The following LRTM1 variants were observed in gnomAD, a reference collection of about 807,000 sequenced individuals.
LRTM1 encodes the protein leucine rich repeat transmembrane protein 1.
Under a neutral mutation model 32.4 loss-of-function variants are expected in LRTM1, and 38 were observed. The ratio of observed to expected loss-of-function variants is 1.17; its 90% CI spans 0.91 to 1.54. The LOEUF is 1.54. Among genes scored for constraint, LRTM1 ranks in the 40% most tolerant of loss-of-function variants. The probability of loss-of-function intolerance (pLI) is 0.00; values close to 1 mark genes in which losing one functional copy is unlikely to be tolerated. For missense variants in LRTM1, 466 were observed against 415.4 expected (o/e 1.12, Z -1.06); for synonymous variants, 186 against 169.9 (o/e 1.09, Z -0.74).
upstream of LRTM1, among the ~76,000 whole-genome samples, chr3:54,932,170 C>T (rs760125067): frequency 6.6e-6 from 1 of 151,984 alleles, no homozygotes; most frequent in Non-Finnish European, 1.5e-5. Flanking sequence ...CAGAGTGAGA[C>T]CCTGTCTCAA....
At chr3:54,943,731 C>T (rs1406828881) in intron 1 of LRTM1, among the ~76,000 whole-genome samples, 1 of 151,946 alleles carries the variant, frequency 6.6e-6, no homozygotes, top group Non-Finnish European at 1.5e-5. Context: ...TTTCATCTTG[C>T]TTTGGTGAGA....
At chr3:54,922,583 A>G (rs2106934515) in intron 2 of LRTM1, among the ~76,000 whole-genome samples, 1 of 152,274 alleles carries the variant, frequency 6.6e-6, no homozygotes, top group Admixed American at 6.5e-5. Context: ...TCAATATCGT[A>G]CGTTTTAACC....
At chr3:54,925,513 GA>G (rs749448487) in intron 1 of LRTM1, among the ~76,000 whole-genome samples, 83 of 152,122 alleles carry the variant, frequency 5.5e-4, no homozygotes, top group African/African-American at 1.6e-3. Flanking sequence ...ATAGAAGGGT[GA>G]AAAAAAATAT....
chr3:54,932,597 C>G (rs1311001140), upstream of LRTM1, among the ~76,000 whole-genome samples: 1 of 152,194 alleles, frequency 6.6e-6, no homozygotes, highest in Non-Finnish European at 1.5e-5. Context: ...ATATAGCATG[C>G]CTAGAGTTTG....
chr3:54,962,185 G>A (rs935527765), intron 1 of LRTM1, among the ~76,000 whole-genome samples: 14 of 152,274 alleles, frequency 9.2e-5, no homozygotes, highest in Non-Finnish European at 1.5e-4. Context: ...TTTAACATGA[G>A]TTTCAGAGAG....
At chr3:54,953,395 G>A (rs1469800147) in intron 1 of LRTM1, among the ~76,000 whole-genome samples, 5 of 152,100 alleles carry the variant, frequency 3.3e-5, no homozygotes, top group Non-Finnish European at 1.5e-5. Flanking sequence ...GTAACACTAC[G>A]GCTTCTTACC....
At chr3:54,919,600 C>T (rs1366105157) in intron 2 of LRTM1, among the ~76,000 whole-genome samples, 2 of 151,710 alleles carry the variant, frequency 1.3e-5, no homozygotes, top group African/African-American at 2.4e-5. Context: ...TGCTGTTGGT[C>T]GGGGGAATTT....
intron 1 of LRTM1, among the ~76,000 whole-genome samples, chr3:54,934,909 T>G (rs967653118): frequency 5.9e-5 from 9 of 152,124 alleles, no homozygotes; most frequent in Non-Finnish European, 1.3e-4. Context: ...TTTCTGTATT[T>G]ATTTTCTAGT....
intron 1 of LRTM1, among the ~76,000 whole-genome samples, chr3:54,939,003 C>A (rs1281852104): frequency 6.6e-6 from 1 of 152,164 alleles, no homozygotes; most frequent in Non-Finnish European, 1.5e-5. Context: ...CGTTAGACAG[C>A]AAACTGGGAC....
intron 2 of LRTM1, among the ~76,000 whole-genome samples, chr3:54,921,560 C>T (rs1044694848): frequency 6.6e-6 from 1 of 152,110 alleles, no homozygotes; most frequent in African/African-American, 2.4e-5. Flanking sequence ...AATTTTCCCA[C>T]TTTTTGTGGT....
In LRTM1 at chr3:54,924,889, A is replaced by G; in HGVS notation, c.334T>C (p.Ser112Pro). The change falls in exon 2 of 3, where the codon TCC becomes CCC. Residue 112 changes from serine to proline, a missense_variant. Ser to Pro is a moderately conservative substitution (Grantham distance 74). Transcript: ENST00000273286. ...VLNLTQNSLLSLESRLFHSLP... is the reference protein window; with the variant it reads ...VLNLTQNSLLPLESRLFHSLP... The stretch of plus-strand genomic sequence containing the variant: ...GAATGGAAAAGTCTGCTTTCCAGGG[A>G]AAGGAGTGAATTCTGGGTTAGATTT... 6.2e-7 allele frequency: 1 copy of G among 1,613,692 alleles called. No homozygotes were observed.
intron 1 of LRTM1, among the ~76,000 whole-genome samples, chr3:54,939,804 C>T (rs957210548): frequency 6.6e-6 from 1 of 152,164 alleles, no homozygotes; most frequent in Non-Finnish European, 1.5e-5. Flanking sequence ...ATTTTGTGGG[C>T]CTGCTCCTGC....
chr3:54,926,756 G>A (rs1035801620), intron 1 of LRTM1, among the ~76,000 whole-genome samples: 1 of 152,082 alleles, frequency 6.6e-6, no homozygotes, highest in Admixed American at 6.6e-5. Flanking sequence ...CTCTTATGAG[G>A]GGTAGTTGAA....
chr3:54,937,826 A>G (rs1175199035), intron 1 of LRTM1, among the ~76,000 whole-genome samples: 3 of 152,122 alleles, frequency 2.0e-5, no homozygotes, highest in Admixed American at 1.3e-4. Context: ...GGCGGGCATG[A>G]TCACAGCACA....
intron 1 of LRTM1, among the ~76,000 whole-genome samples, chr3:54,957,549 G>A (rs916035060): frequency 6.6e-6 from 1 of 152,188 alleles, no homozygotes; most frequent in African/African-American, 2.4e-5. Flanking sequence ...GGAAGCCAAA[G>A]CATGTTCAAA....
At chr3:54,937,613 C>T (rs1420403295) in intron 1 of LRTM1, among the ~76,000 whole-genome samples, 6 of 152,110 alleles carry the variant, frequency 3.9e-5, no homozygotes. Flanking sequence ...TACATGGTTC[C>T]ATAAGAGAAT....
rs1700952529 is a variant in LRTM1 at position 54,924,477 on chromosome 3, T to C, written c.604+142A>G. On this transcript the variant is annotated intron_variant, in intron 2 of 2. Transcript: ENST00000273286. The stretch of plus-strand genomic sequence containing the variant: ...AATGACTCACTTGACTCTTTTGCCA[T>C]ACCGTGAAATGGCACCGATGTGTAA... 4.5e-6 allele frequency: 3 copies of C among 669,678 alleles called. No homozygotes were observed. The East Asian group carries it at 7.6e-5, about 17-fold the overall frequency. The allele number at this position is 669,678 out of a possible 1,614,324, so 41.5% of individuals were successfully genotyped here. A position where few individuals can be genotyped will look rare whatever the true frequency, so the allele number is the denominator to read the frequency against.
In LRTM1 at chr3:54,958,444, G is replaced by A. The variant is rs2102752; in HGVS notation, c.-222+8484C>T. Among the ~76,000 whole-genome samples, 605 of 152,288 alleles carry A rather than the reference G, an allele frequency of 4.0e-3. 13 individuals are homozygous for A. The highest frequency in any genetic ancestry group is 0.038 in the South Asian group (184 of 4,812). ...CAAAGTCAGTTTATTCCCTACAGCA[G>A]TAAGGGAGAATACAACCTTGATAGT... On this transcript the variant is annotated intron_variant, in intron 1 of 2. Transcript: ENST00000493075.
chr3:54,925,789 T>C (rs1700997222), intron 1 of LRTM1, among the ~76,000 whole-genome samples: 1 of 152,194 alleles, frequency 6.6e-6, no homozygotes, highest in Non-Finnish European at 1.5e-5. Context: ...ATTTTAACTA[T>C]TTTAAACAAC....
Sources: gnomAD v4.1 joint callset for allele counts (sites outside exome capture counted in the v4.1 genomes callset) on GRCh38, gnomAD v4.1.1 for gene constraint, MANE v1.5 for transcripts, NCBI Gene and HGNC (gene_info 2026-07-23, HGNC 2026-07-21) for gene names.